Variants in METTL16 observed in about 807,000 individuals in gnomAD.
METTL16 encodes RNA N(6)-adenosine-methyltransferase METTL16.
METTL16 carries 19 observed loss-of-function variants against 57.9 expected under a neutral mutation model. The ratio of observed to expected loss-of-function variants is 0.33; its 90% CI spans 0.23 to 0.48. The LOEUF (loss-of-function observed/expected upper bound fraction) is 0.48, where lower values mean the gene tolerates loss of function less well. METTL16 is among the 20% of genes least tolerant of loss of function. The pLI, the probability that METTL16 is intolerant of heterozygous loss-of-function variation, is 0.99. For synonymous variants in METTL16, 246 were observed against 255.6 expected (o/e 0.96, Z 0.36); for missense variants, 434 against 691.5 (o/e 0.63, Z 4.18).
chr17:2,493,291 G>A (rs545820571), intron 2 of METTL16, among the ~76,000 whole-genome samples: 5 of 151,570 alleles, frequency 3.3e-5, no homozygotes, highest in East Asian at 4.0e-4. Flanking sequence ...GGGTTTCACT[G>A]TGTTAGCCAG....
intron 8 of METTL16, among the ~76,000 whole-genome samples, chr17:2,433,173 G>A (rs189043738): frequency 6.6e-6 from 1 of 152,354 alleles, no homozygotes; most frequent in African/African-American, 2.4e-5. Context: ...ATGCAAGTAA[G>A]TTGGAACTGG....
intron 6 of METTL16, among the ~76,000 whole-genome samples, chr17:2,445,970 A>G (rs923735987): frequency 4.6e-5 from 7 of 152,288 alleles, no homozygotes; most frequent in African/African-American, 1.4e-4. Flanking sequence ...ATCAATATCT[A>G]TAAGTCACTG....
intron 6 of METTL16, among the ~76,000 whole-genome samples, chr17:2,450,824 T>C (rs1038665323): frequency 3.9e-5 from 6 of 152,190 alleles, no homozygotes; most frequent in African/African-American, 1.4e-4. Flanking sequence ...TAATTGTTTA[T>C]ATACAAAATG....
chr17:2,487,583 G>C (rs1358614136), intron 2 of METTL16, among the ~76,000 whole-genome samples: 1 of 152,234 alleles, frequency 6.6e-6, no homozygotes, highest in Non-Finnish European at 1.5e-5. Context: ...CCAACCAGCA[G>C]AGTGACCTGC....
intron 7 of METTL16, among the ~76,000 whole-genome samples, chr17:2,440,227 A>G (rs938906093): frequency 2.0e-5 from 3 of 151,962 alleles, no homozygotes; most frequent in African/African-American, 7.3e-5. Flanking sequence ...ACCACACTAC[A>G]GTCTGGTTGA....
chr17:2,463,535 C>T (rs188310057), intron 6 of METTL16, among the ~76,000 whole-genome samples: 12 of 152,112 alleles, frequency 7.9e-5, no homozygotes, highest in Middle Eastern at 3.2e-3. Context: ...GATCTCGGCT[C>T]ACTGCAACCT....
At chr17:2,488,562 C>A (rs912720844) in intron 2 of METTL16, among the ~76,000 whole-genome samples, 1 of 151,760 alleles carries the variant, frequency 6.6e-6, no homozygotes, top group Non-Finnish European at 1.5e-5. Context: ...CCGTTCCCCA[C>A]CCACCAAAAA....
At chr17:2,447,270 C>A (rs1368662445) in intron 6 of METTL16, among the ~76,000 whole-genome samples, 1 of 147,764 alleles carries the variant, frequency 6.8e-6, no homozygotes. Context: ...CTGCTGGCCG[C>A]AACCCTGTCT....
At chr17:2,449,572 A>T (rs1189745509) in intron 6 of METTL16, among the ~76,000 whole-genome samples, 2 of 152,204 alleles carry the variant, frequency 1.3e-5, no homozygotes, top group Non-Finnish European at 2.9e-5. Flanking sequence ...ATACTGCCAG[A>T]TTTCAAGACT....
rs1352896917 is a variant in METTL16, at chr17:2,448,754, A to T, written c.729-7195T>A. On this transcript the variant is annotated intron_variant, in intron 6 of 9. Transcript: ENST00000263092. ...AGAATGATCAATAAAAAAAAAAATAAAATAAAAAAAATAAAAAATAAAAAA... is the reference window on the plus strand; with the variant it reads ...AGAATGATCAATAAAAAAAAAAATATAATAAAAAAAATAAAAAATAAAAAA... Among the ~76,000 whole-genome samples, 143 of 116,666 alleles carry T rather than the reference A, an allele frequency of 1.2e-3. 3 individuals carry two copies. Among genetic ancestry groups the T allele is most frequent in the African/African-American group, 5.4e-3 (131 of 24,350 alleles). 76.5% of individuals were successfully genotyped at this position (116,666 alleles called of 152,430 possible).
intron 6 of METTL16, among the ~76,000 whole-genome samples, chr17:2,454,513 G>T (rs1359892622): frequency 6.7e-6 from 1 of 150,046 alleles, no homozygotes; most frequent in East Asian, 1.9e-4. Flanking sequence ...TCTTATAAGT[G>T]ATTTTAATTA....
At position 2,461,478 on chromosome 17, in the gene METTL16, A is replaced by AT. The variant is rs563292915; in HGVS notation, c.728+2729dup. Among the ~76,000 whole-genome samples, 17 of 152,314 alleles carry AT rather than the reference A, an allele frequency of 1.1e-4. No individual in the cohort carries two copies. The South Asian group carries it at 3.3e-3, about 30-fold the overall frequency. On this transcript the variant is annotated intron_variant, in intron 6 of 9. Transcript: ENST00000263092. The stretch of plus-strand genomic sequence containing the variant: ...TTGGGAGATAGGAAAGATTTATAGA[A>AT]TAAGAATATACAAAGATTGAAAAGG...
chr17:2,444,683 C>CTCA (rs2066981108), intron 6 of METTL16, among the ~76,000 whole-genome samples: 2 of 151,566 alleles, frequency 1.3e-5, no homozygotes, highest in Non-Finnish European at 2.9e-5. Context: ...GCAAGCTCCA[C>CTCA]TCATGGTAAG....
chr17:2,428,357 G>A (rs1369814054), intron 8 of METTL16, among the ~76,000 whole-genome samples: 2 of 150,742 alleles, frequency 1.3e-5, no homozygotes, highest in Middle Eastern at 3.4e-3. Flanking sequence ...AAAGACTCAC[G>A]AGCCAAGTTG....
At chr17:2,466,561 T>C (rs1298056762) in intron 5 of METTL16, among the ~76,000 whole-genome samples, 1 of 152,198 alleles carries the variant, frequency 6.6e-6, no homozygotes, top group Admixed American at 6.5e-5. Context: ...AATTGGGTTT[T>C]TAGGTACAGG....
At chr17:2,474,529 G>A (rs1288627165) in intron 3 of METTL16, among the ~76,000 whole-genome samples, 1 of 152,012 alleles carries the variant, frequency 6.6e-6, no homozygotes, top group Non-Finnish European at 1.5e-5. Flanking sequence ...CACTCAAGAG[G>A]CAAACGCTCC....
chr17:2,427,978 G>T (rs920269772), intron 8 of METTL16, among the ~76,000 whole-genome samples: 1 of 148,790 alleles, frequency 6.7e-6, no homozygotes, highest in Non-Finnish European at 1.5e-5. Flanking sequence ...TTAGCTGGAT[G>T]TGGTGGCAAG....
At chr17:2,457,015 G>A (rs1200052453) in intron 6 of METTL16, among the ~76,000 whole-genome samples, 1 of 149,482 alleles carries the variant, frequency 6.7e-6, no homozygotes, top group East Asian at 2.0e-4. Flanking sequence ...TGGTTATATT[G>A]TTTAAGAGAT....
intron 6 of METTL16, among the ~76,000 whole-genome samples, chr17:2,458,518 C>CCATGTTG (rs1378240135): frequency 6.6e-6 from 1 of 152,044 alleles, no homozygotes; most frequent in East Asian, 1.9e-4. Flanking sequence ...TCCAGACCAG[C>CCATGTTG]CTGGGCAACA....
Sources: allele counts gnomAD v4.1 joint callset (sites outside exome capture counted in the v4.1 genomes callset), GRCh38; gene constraint gnomAD v4.1.1; transcripts MANE v1.5; gene names NCBI Gene and HGNC (gene_info 2026-07-23, HGNC 2026-07-21).